MBD5: variants seen among roughly 807,000 people sequenced by gnomAD.
MBD5 encodes methyl-CpG-binding domain protein 5.
In MBD5, 13 loss-of-function variants were observed where a neutral mutation model predicts 117.3. That is an observed-to-expected ratio of 0.11 (90% confidence interval 0.07 to 0.18). The LOEUF is 0.18. Among genes scored for constraint, MBD5 ranks in the 10% least tolerant of loss-of-function variants. The probability of loss-of-function intolerance (pLI) is 1.00; values close to 1 mark genes in which losing one functional copy is unlikely to be tolerated. For synonymous variants in MBD5, 727 were observed against 766.4 expected (o/e 0.95, Z 0.85); for missense variants, 1,879 against 2,093.8 (o/e 0.90, Z 2.00).
chr2:148,298,666 C>G (rs1451927758), intron 3 of MBD5, among the ~76,000 whole-genome samples: 1 of 152,164 alleles, frequency 6.6e-6, no homozygotes, highest in African/African-American at 2.4e-5. Context: ...TTCTTCTTCT[C>G]AGAAGGAACT....
intron 10 of MBD5, among the ~76,000 whole-genome samples, chr2:148,488,843 T>C (rs938099734): frequency 5.9e-5 from 9 of 152,152 alleles, no homozygotes; most frequent in South Asian, 2.1e-4. Flanking sequence ...CCTGAAAAGG[T>C]TGAGGAGCAG....
At chr2:148,504,861 C>A (rs928054014) in intron 12 of MBD5, among the ~76,000 whole-genome samples, 1 of 152,026 alleles carries the variant, frequency 6.6e-6, no homozygotes, top group African/African-American at 2.4e-5. Flanking sequence ...TAAGCGGGAA[C>A]CAGATCATGA....
At chr2:148,504,605 C>G (rs553131327) in intron 12 of MBD5, among the ~76,000 whole-genome samples, 2 of 152,234 alleles carry the variant, frequency 1.3e-5, no homozygotes, top group South Asian at 4.1e-4. Flanking sequence ...GATGCAGAAA[C>G]AAGTAATTCA....
At chr2:148,112,912 TGAA>T (rs775410666) in intron 1 of MBD5, among the ~76,000 whole-genome samples, 13 of 152,158 alleles carry the variant, frequency 8.5e-5, no homozygotes, top group Non-Finnish European at 1.9e-4. Flanking sequence ...TTTGAAAAGC[TGAA>T]GAAGGAGGAT....
intron 1 of MBD5, among the ~76,000 whole-genome samples, chr2:148,130,697 C>T (rs1286769522): frequency 6.6e-6 from 1 of 152,072 alleles, no homozygotes; most frequent in Non-Finnish European, 1.5e-5. Context: ...AAAAAACAGT[C>T]GTGTTAAATA....
chr2:148,023,930 A>G (rs1693833829), intron 1 of MBD5, among the ~76,000 whole-genome samples: 1 of 152,152 alleles, frequency 6.6e-6, no homozygotes, highest in African/African-American at 2.4e-5. Flanking sequence ...TAATTGTTCA[A>G]CTGGGTGGTA....
chr2:148,197,223 G>A (rs1462394443), intron 2 of MBD5, among the ~76,000 whole-genome samples: 4 of 152,104 alleles, frequency 2.6e-5, no homozygotes, highest in Non-Finnish European at 2.9e-5. Context: ...ATATTGTGAG[G>A]AAGACTGAGC....
chr2:148,323,009 C>A (rs1574285221), intron 3 of MBD5, among the ~76,000 whole-genome samples: 1 of 145,698 alleles, frequency 6.9e-6, no homozygotes, highest in South Asian at 2.2e-4. Flanking sequence ...CCCAACCCCA[C>A]AACAGTCCCC....
At position 148,153,694 on chromosome 2, in the gene MBD5, C is replaced by T. The variant is rs1193416591; in HGVS notation, c.-924-25006C>T. The stretch of plus-strand genomic sequence containing the variant: ...TCTCGCTTCATTTCATTCATTTCAT[C>T]TTCCATCACTGATACCCTTTCTTCC... On this transcript the variant is annotated intron_variant, in intron 1 of 13. Transcript: ENST00000642680. 5.9e-4 allele frequency among the ~76,000 whole-genome samples: 86 copies of T among 145,120 alleles called. 2 individuals are homozygous for T. The highest frequency in any genetic ancestry group is 2.1e-3 in the African/African-American group (83 of 39,036).
intron 1 of MBD5, among the ~76,000 whole-genome samples, chr2:148,130,355 T>C (rs180764044): frequency 6.6e-6 from 1 of 152,180 alleles, no homozygotes; most frequent in East Asian, 1.9e-4. Context: ...GCCCCTAGAG[T>C]ATCATTCTTT....
chr2:148,180,347 T>G (rs977359751), intron 2 of MBD5, among the ~76,000 whole-genome samples: 8 of 127,350 alleles, frequency 6.3e-5, no homozygotes, highest in African/African-American at 2.4e-4. Context: ...ATTATACATA[T>G]ATATATATAT....
chr2:148,094,768 TAAG>T (rs909229427), intron 1 of MBD5, among the ~76,000 whole-genome samples: 1 of 152,112 alleles, frequency 6.6e-6, no homozygotes, highest in Admixed American at 6.6e-5. Context: ...ATTAAATATT[TAAG>T]AAGAAGAAAA....
intron 4 of MBD5, among the ~76,000 whole-genome samples, chr2:148,380,063 GC>G (rs1315554178): frequency 2.6e-5 from 4 of 152,028 alleles, no homozygotes; most frequent in African/African-American, 9.7e-5. Context: ...AAAAAGTTAT[GC>G]CAGGCAAACA....
intron 3 of MBD5, chr2:148,330,658 G>A (rs1044948919): frequency 1.3e-5 from 2 of 152,098 alleles, no homozygotes; most frequent in Admixed American, 6.5e-5. Context: ...TTGTCTTTAC[G>A]GTGATAAGTG....
intron 2 of MBD5, among the ~76,000 whole-genome samples, chr2:148,196,625 T>C (rs1192910445): frequency 6.6e-6 from 1 of 152,186 alleles, no homozygotes; most frequent in Non-Finnish European, 1.5e-5. Flanking sequence ...TGACTTAGTA[T>C]CTTTAAAACT....
In MBD5 at chr2:148,490,007, C is replaced by T; in HGVS notation, c.4375C>T (p.Pro1459Ser). The T allele has an allele frequency of 6.2e-7, 1 of 1,613,896 alleles. No individual in the cohort carries two copies. ...TCATCCAGGCCATATCCACAGTAGTCCTTGTCATGAAAGGCCCAACAATGT... is the reference window on the plus strand; with the variant it reads ...TCATCCAGGCCATATCCACAGTAGTTCTTGTCATGAAAGGCCCAACAATGT... ...LDHPGHIHSS[P>S]CHERPNNVST... Residue 1459 changes from proline (P) to serine (S), a missense_variant, in exon 11 of 14, where the codon CCT becomes TCT. By Grantham distance (74) the Pro-to-Ser change is moderately conservative. Coordinates refer to ENST00000642680, the MANE Select transcript of MBD5 (RefSeq NM_001378120.1).
chr2:148,186,253 G>C lies in MBD5; in HGVS notation c.-831+7460G>C, dbSNP rs1232762083. Among the ~76,000 whole-genome samples, 4 of 152,282 alleles carry C rather than the reference G, an allele frequency of 2.6e-5. No individual in the cohort carries two copies. In the East Asian group the frequency reaches 7.7e-4, roughly 29 times the overall value. ...GTGAATAAGTCTCATGAGATCTGGT[G>C]GTTTTTAAAAACAGGAGTTTCCCAG... On this transcript the variant is annotated intron_variant, in intron 2 of 13. Transcript: ENST00000642680.
At chr2:148,494,919 C>G (rs376668516) in intron 11 of MBD5, among the ~76,000 whole-genome samples, 1 of 152,012 alleles carries the variant, frequency 6.6e-6, no homozygotes, top group Admixed American at 6.5e-5. Context: ...GCCGAGATCG[C>G]GCCACTGCAC....
intron 3 of MBD5, among the ~76,000 whole-genome samples, chr2:148,313,924 G>T (rs539624600): frequency 7.2e-5 from 11 of 152,132 alleles, no homozygotes; most frequent in South Asian, 6.2e-4. Flanking sequence ...CTTCCTGGGT[G>T]AGGCAACGCC....
Sources: allele counts gnomAD v4.1 joint callset (sites outside exome capture counted in the v4.1 genomes callset), GRCh38; gene constraint gnomAD v4.1.1; transcripts MANE v1.5; gene names NCBI Gene and HGNC (gene_info 2026-07-23, HGNC 2026-07-21).